Variants in NUAK1 observed in about 807,000 individuals in gnomAD.
NUAK1 encodes the protein NUAK family kinase 1.
Under a neutral mutation model 56.9 loss-of-function variants are expected in NUAK1, and 26 were observed. The observed-to-expected ratio is 0.46, with a 90% confidence interval of 0.33 to 0.63. The LOEUF is 0.63. Ranked by LOEUF, NUAK1 falls within the 30% of genes least tolerant of loss-of-function variation. The probability of loss-of-function intolerance (pLI) is 0.02; values close to 1 mark genes in which losing one functional copy is unlikely to be tolerated. For synonymous variants in NUAK1, 337 were observed against 336.0 expected (o/e 1.00, Z -0.03); for missense variants, 727 against 876.1 (o/e 0.83, Z 2.15).
At chr12:106,072,979 T>C in intron 4 of NUAK1, 136 bp from the exon 5 acceptor site, 1 of 908,428 alleles carries the variant, frequency 1.1e-6, no homozygotes, top group Non-Finnish European at 1.7e-6. Flanking sequence ...CGCCATTTTC[T>C]CTCCAGCCCT....
At chr12:106,124,747 T>C (rs1053653452) in intron 1 of NUAK1, among the ~76,000 whole-genome samples, 2 of 152,098 alleles carry the variant, frequency 1.3e-5, no homozygotes, top group Non-Finnish European at 2.9e-5. Flanking sequence ...TGGTGGCTCA[T>C]GACTGTAACC....
At chr12:106,121,668 T>G (rs1295719181) in intron 1 of NUAK1, among the ~76,000 whole-genome samples, 1 of 152,010 alleles carries the variant, frequency 6.6e-6, no homozygotes, top group East Asian at 1.9e-4. Context: ...TGGAAGCACT[T>G]GAACTCAGGA....
chr12:106,075,899 G>A (rs2032460476), intron 4 of NUAK1, among the ~76,000 whole-genome samples: 2 of 152,198 alleles, frequency 1.3e-5, no homozygotes, highest in Admixed American at 6.5e-5. Flanking sequence ...CATCAAGCTG[G>A]AACTTCAGAA....
chr12:106,123,299 C>T (rs2032995965), intron 1 of NUAK1, among the ~76,000 whole-genome samples: 1 of 152,134 alleles, frequency 6.6e-6, no homozygotes, highest in Admixed American at 6.5e-5. Context: ...GTGTCTAGAG[C>T]AGCACTAGTC....
Position 106,064,490 on chromosome 12 carries a change from A to T in NUAK1, c.*2312T>A, listed in dbSNP as rs573576642. 1.8e-4 allele frequency: 28 copies of T among 152,376 alleles called. No homozygotes were observed. The highest frequency in any genetic ancestry group is 6.5e-4 in the African/African-American group (27 of 41,590). 9.4% of individuals were successfully genotyped at this position (152,376 alleles called of 1,614,324 possible). ...TGGCTGAGTTTCCTGACAAAAGAGAACACGTGTTTGGGGGGAGGAAGAAGG... is the reference window on the plus strand; with the variant it reads ...TGGCTGAGTTTCCTGACAAAAGAGATCACGTGTTTGGGGGGAGGAAGAAGG... On this transcript the variant is annotated 3_prime_UTR_variant, in exon 7 of 7. Coordinates refer to ENST00000261402, the MANE Select transcript of NUAK1 (RefSeq NM_014840.3).
intron 2 of NUAK1, among the ~76,000 whole-genome samples, chr12:106,087,271 G>A (rs1308388557): frequency 1.3e-5 from 2 of 152,120 alleles, no homozygotes; most frequent in African/African-American, 4.8e-5. Context: ...CCAGGTAGCC[G>A]GCCCTGACAG....
chr12:106,075,698 G>C (rs924456254), intron 4 of NUAK1, among the ~76,000 whole-genome samples: 1 of 152,218 alleles, frequency 6.6e-6, no homozygotes, highest in Non-Finnish European at 1.5e-5. Flanking sequence ...AGAAATTTCA[G>C]ATGCCAAATA....
chr12:106,138,537 C>G lies in NUAK1; in HGVS notation c.117G>C (p.Pro39=). 1 of 1,612,344 alleles carries G rather than the reference C, an allele frequency of 6.2e-7. No homozygotes were observed. The highest frequency in any genetic ancestry group is 8.5e-7 in the Non-Finnish European group (1 of 1,179,748). The change falls in exon 1 of 7, where the codon CCG becomes CCC. Residue 39 remains proline (P), a synonymous_variant. Transcript: ENST00000261402. This position sits in a 1 kb window ranked among gnomAD's most constrained non-coding sequence, Gnocchi z 5.0. The part of the protein sequence containing the change: ...GATAALEPRK[P]HGVKRHHHKH... ...TGTGGTGATGCCGCTTCACCCCGTGCGGCTTCCTGGGCTCCAGGGCTGCAG... is the reference window on the plus strand; with the variant it reads ...TGTGGTGATGCCGCTTCACCCCGTGGGGCTTCCTGGGCTCCAGGGCTGCAG...
At chr12:106,073,918 C>A (rs538986043) in intron 4 of NUAK1, among the ~76,000 whole-genome samples, 21 of 152,132 alleles carry the variant, frequency 1.4e-4, no homozygotes, top group African/African-American at 4.6e-4. Context: ...GTACTCCACA[C>A]ACCTTGGAGT....
At chr12:106,120,352 T>C (rs1257319113) in intron 1 of NUAK1, among the ~76,000 whole-genome samples, 2 of 152,210 alleles carry the variant, frequency 1.3e-5, no homozygotes, top group African/African-American at 4.8e-5. Context: ...ATAGAGAAAA[T>C]GCCCAATATT....
At chr12:106,132,302 A>G (rs1383458404) in intron 1 of NUAK1, among the ~76,000 whole-genome samples, 2 of 152,172 alleles carry the variant, frequency 1.3e-5, no homozygotes, top group African/African-American at 4.8e-5. Context: ...TACAACTTCG[A>G]CACCTCCCAA....
At chr12:106,121,811 G>T (rs948702125) in intron 1 of NUAK1, among the ~76,000 whole-genome samples, 2 of 152,056 alleles carry the variant, frequency 1.3e-5, no homozygotes, top group African/African-American at 4.8e-5. Flanking sequence ...AAGCAGGTAT[G>T]AACAAGAGTG....
intron 1 of NUAK1, among the ~76,000 whole-genome samples, chr12:106,132,206 A>T (rs910704303): frequency 6.6e-6 from 1 of 152,236 alleles, no homozygotes; most frequent in African/African-American, 2.4e-5. Flanking sequence ...CTTTTCAGAC[A>T]TTGCTCTGTA....
At chr12:106,119,050 G>A (rs2032948091) in intron 1 of NUAK1, among the ~76,000 whole-genome samples, 1 of 152,068 alleles carries the variant, frequency 6.6e-6, no homozygotes, top group Non-Finnish European at 1.5e-5. Flanking sequence ...ACAGAGACTG[G>A]GTCTGGCATG....
chr12:106,090,947 G>A (rs936828891), intron 2 of NUAK1, among the ~76,000 whole-genome samples: 5 of 152,304 alleles, frequency 3.3e-5, no homozygotes, highest in Admixed American at 6.5e-5. Context: ...GATTTATAAT[G>A]TATAAGAGCA....
chr12:106,132,825 G>A (rs576945673), intron 1 of NUAK1, among the ~76,000 whole-genome samples: 16 of 152,192 alleles, frequency 1.1e-4, no homozygotes, highest in Non-Finnish European at 1.9e-4. Flanking sequence ...ACACCAAACT[G>A]ACGGGCTCAA....
Position 106,067,174 on chromosome 12 carries a change from T to C in NUAK1, c.1614A>G (p.Pro538=), listed in dbSNP as rs907328779. 1 of 1,614,150 alleles carries C rather than the reference T, an allele frequency of 6.2e-7. No individual in the cohort carries two copies. The highest frequency in any genetic ancestry group is 1.3e-5 in the African/African-American group (1 of 75,034). ...SSKYSAGTMD[P]ALVSPEMPTL... is the part of the protein sequence containing the mutation. ...TGGGCATTTCAGGGCTGACCAGGGC[T>C]GGGTCCATGGTGCCCGCTGAGTATT... The change falls in exon 7 of 7, where the codon CCA becomes CCG. Residue 538 remains proline, a synonymous_variant. Transcript: ENST00000261402. The surrounding 1 kb of genome is among the most constrained non-coding windows in gnomAD (Gnocchi z 6.0).
intron 1 of NUAK1, among the ~76,000 whole-genome samples, chr12:106,127,632 G>T (rs2033036386): frequency 6.6e-6 from 1 of 152,178 alleles, no homozygotes; most frequent in African/African-American, 2.4e-5. Flanking sequence ...AGTCTACACA[G>T]GGAGACTCTC....
Position 106,067,204 on chromosome 12 carries a change from G to T in NUAK1, c.1584C>A (p.Ser528Arg), listed in dbSNP as rs765077418. The T allele has an allele frequency of 5.0e-6, 8 of 1,613,994 alleles. No homozygotes were observed. The highest frequency in any genetic ancestry group is 1.7e-6 in the Non-Finnish European group (2 of 1,180,030). Residue 528 changes from serine (S) to arginine (R), a missense_variant, in exon 7 of 7, where the codon AGC becomes AGA. Physicochemically the swap from Ser to Arg is moderately radical, Grantham distance 110. Coordinates refer to ENST00000261402, the MANE Select transcript of NUAK1 (RefSeq NM_014840.3). The surrounding 1 kb of genome is among the most constrained non-coding windows in gnomAD (Gnocchi z 6.0). ...CCATGGTGCCCGCTGAGTATTTGCT[G>T]CTGTGTTTCAAGATGCCCTTCCTCC... ...SCRRKGILKH[S>R]SKYSAGTMDP...
Sources: gnomAD v4.1 joint callset for allele counts (sites outside exome capture counted in the v4.1 genomes callset) on GRCh38, gnomAD v4.1.1 for gene constraint, Gnocchi (gnomAD v3.1) non-coding constraint, MANE v1.5 for transcripts, NCBI Gene and HGNC (gene_info 2026-07-23, HGNC 2026-07-21) for gene names.